The following ERAP2 variants were observed in gnomAD, a reference collection of about 807,000 sequenced individuals.
The protein encoded by ERAP2 is leukocyte-derived arginine aminopeptidase.
Under a neutral mutation model 111.1 loss-of-function variants are expected in ERAP2, and 118 were observed. The observed-to-expected ratio is 1.06, with a 90% confidence interval of 0.92 to 1.24. The LOEUF (loss-of-function observed/expected upper bound fraction) is 1.24, where lower values mean the gene tolerates loss of function less well. ERAP2 is among the 50% of genes most tolerant of loss of function. The pLI is 0.00. For synonymous variants in ERAP2, 410 were observed against 401.2 expected (o/e 1.02, Z -0.26); for missense variants, 1,131 against 1,125.8 (o/e 1.00, Z -0.07).
chr5:96,886,316 A>C (rs13167902), intron 3 of ERAP2, among the ~76,000 whole-genome samples: 83,523 of 152,130 alleles, frequency 0.55, 22,966 homozygotes, highest in Admixed American at 0.6. Context: ...ACTTAAAAGC[A>C]CAGAAGTTGA....
chr5:96,881,436 T>C (rs191665875), intron 2 of ERAP2: 1 of 456,230 alleles, frequency 2.2e-6, no homozygotes, highest in African/African-American at 2.0e-5. Context: ...GGATGCTTCA[T>C]AGAGTGGACG....
chr5:96,903,738 G>A lies in ERAP2; in HGVS notation c.2012+178G>A, dbSNP rs539176647. On this transcript the variant is annotated intron_variant, in intron 13 of 18. Coordinates refer to ENST00000437043, the MANE Select transcript of ERAP2 (RefSeq NM_022350.5). ...AATAACGTATTTTGACCCACACAGTGTTTATAATTGTAATCCAATATTTTA... is the reference window on the plus strand; with the variant it reads ...AATAACGTATTTTGACCCACACAGTATTTATAATTGTAATCCAATATTTTA... Among the ~76,000 whole-genome samples the A allele has an allele frequency of 1.1e-4, 17 of 151,646 alleles. No individual in the cohort carries two copies. In the South Asian group the frequency reaches 3.4e-3, roughly 31 times the overall value.
chr5:96,911,878 A>AAAAG (rs1161447853), intron 15 of ERAP2, among the ~76,000 whole-genome samples: 3 of 130,342 alleles, frequency 2.3e-5, no homozygotes, highest in Non-Finnish European at 4.8e-5. Context: ...AAAAAAAAAA[A>AAAAG]AAAGAAAGAA....
chr5:96,891,457 A>C (rs1784352962), intron 5 of ERAP2, among the ~76,000 whole-genome samples: 1 of 148,970 alleles, frequency 6.7e-6, no homozygotes, highest in South Asian at 2.1e-4. Context: ...ATATACACAC[A>C]CACACATATA....
intron 4 of ERAP2, among the ~76,000 whole-genome samples, chr5:96,888,470 G>A (rs1037579836): frequency 2.6e-5 from 4 of 152,130 alleles, no homozygotes; most frequent in African/African-American, 9.7e-5. Flanking sequence ...CATAGAGTGG[G>A]CACAAGTATT....
At chr5:96,899,846 C>T (rs1233956214) in intron 9 of ERAP2, among the ~76,000 whole-genome samples, 8 of 152,148 alleles carry the variant, frequency 5.3e-5, no homozygotes, top group Non-Finnish European at 5.9e-5. Flanking sequence ...GAAAATTCAA[C>T]AAATTGATTC....
chr5:96,880,139 G>A lies in ERAP2; in HGVS notation c.454G>A (p.Val152Ile), dbSNP rs867448001. Residue 152 changes from valine (V) to isoleucine (I), a missense_variant, in exon 2 of 19, where the codon GTT becomes ATT. Val to Ile is a conservative substitution (Grantham distance 29). Around this residue, in one of 3 missense-constraint regions of ERAP2, gnomAD observed 847 missense variants for 856.5 expected, o/e 0.99. Coordinates refer to ENST00000437043, the MANE Select transcript of ERAP2 (RefSeq NM_022350.5). ...TGCTCATGAACAAATTGCACTGCTG[G>A]TTCCAGAGAAACTTACGCCTCACCT... ...YPAHEQIALL[V>I]PEKLTPHLKY... 6.2e-7 allele frequency: 1 copy of A among 1,614,102 alleles called. No homozygotes were observed. Among genetic ancestry groups the A allele is most frequent in the Admixed American group, 1.7e-5 (1 of 59,988 alleles).
At chr5:96,886,915 A>C (rs1171326679) in intron 4 of ERAP2, 126 bp downstream of exon 4, 4 of 923,288 alleles carry the variant, frequency 4.3e-6, no homozygotes, top group Non-Finnish European at 4.3e-6. Context: ...AGATAGATAA[A>C]AAACTAAGTT....
chr5:96,906,943 G>T (rs371512999), intron 13 of ERAP2, among the ~76,000 whole-genome samples: 1 of 152,128 alleles, frequency 6.6e-6, no homozygotes, highest in Non-Finnish European at 1.5e-5. Context: ...CAGGAGAATC[G>T]CTTGAACCCG....
rs1785298337 is a variant in ERAP2, at chr5:96,900,196, A to C, written c.1572+7A>C. ...CAAGATGACAAGTAACATGGTAAGG[A>C]TAAAGAGAGTCACAGAGTAGAAGAG... On this transcript the variant is annotated splice_region_variant and intron_variant, in intron 10 of 18. Coordinates refer to ENST00000437043, the MANE Select transcript of ERAP2 (RefSeq NM_022350.5). 6.2e-6 allele frequency: 10 copies of C among 1,613,446 alleles called. No homozygotes were observed. The highest frequency in any genetic ancestry group is 1.3e-5 in the African/African-American group (1 of 74,898).
At chr5:96,885,280 G>C (rs1313095052) in intron 3 of ERAP2, among the ~76,000 whole-genome samples, 1 of 152,110 alleles carries the variant, frequency 6.6e-6, no homozygotes, top group Non-Finnish European at 1.5e-5. Flanking sequence ...TAATACCCCA[G>C]CTCTCAGCCC....
intron 9 of ERAP2, among the ~76,000 whole-genome samples, chr5:96,898,572 C>CAAAAAAAAAAAAAA (rs770783071): frequency 2.1e-5 from 2 of 94,442 alleles, no homozygotes; most frequent in African/African-American, 8.5e-5. Flanking sequence ...TACTAAAATA[C>CAAAAAAAAAAAAAA]AAAAAAAAAA....
chr5:96,877,628 TA>T (rs1782683776), intron 1 of ERAP2, among the ~76,000 whole-genome samples: 1 of 152,230 alleles, frequency 6.6e-6, no homozygotes, highest in South Asian at 2.1e-4. Context: ...GCTCAAAAAG[TA>T]AAAAACTTTG....
chr5:96,884,049 T>C, intron 3 of ERAP2, 119 bp downstream of exon 3: 1 of 546,314 alleles, frequency 1.8e-6, no homozygotes, highest in Non-Finnish European at 3.2e-6. Context: ...TATCTATCTA[T>C]CTATCTATCT....
chr5:96,905,944 ATTTTTTT>A (rs34095051), intron 13 of ERAP2, among the ~76,000 whole-genome samples: 1 of 139,602 alleles, frequency 7.2e-6, no homozygotes, highest in Non-Finnish European at 1.5e-5. Flanking sequence ...TTTCTTTTTA[ATTTTTTT>A]TTTTTTTTGT....
chr5:96,881,833 A>T (rs866005719), intron 2 of ERAP2, among the ~76,000 whole-genome samples: 3 of 152,204 alleles, frequency 2.0e-5, no homozygotes, highest in African/African-American at 7.2e-5. Flanking sequence ...CTTTACAAAG[A>T]TTTCCCACCC....
At position 96,886,717 on chromosome 5, in the gene ERAP2, G is replaced by T. The variant is rs1371586290; in HGVS notation, c.777G>T (p.Met259Ile). 1.3e-6 allele frequency: 2 copies of T among 1,554,104 alleles called. No individual in the cohort carries two copies. The highest frequency in any genetic ancestry group is 1.7e-5 in the Admixed American group (1 of 58,492). The change falls in exon 4 of 19, where the codon ATG becomes ATT. Residue 259 changes from methionine to isoleucine, a missense_variant. This residue lies in a region of ERAP2 where 847 missense variants were observed against 856.5 expected (regional missense o/e 0.99). Transcript: ENST00000437043. ...ATCACTTTGAAACTACTGTAAAAAT[G>T]AGTACATACCTTGTAGCCTACATAG... The part of the protein sequence containing the change: ...LEDHFETTVK[M>I]STYLVAYIVC...
Position 96,907,966 on chromosome 5 carries a change from G to A in ERAP2, c.2013-995G>A, listed in dbSNP as rs1404705776. 3.3e-5 allele frequency among the ~76,000 whole-genome samples: 5 copies of A among 151,828 alleles called. No homozygotes were observed. The East Asian group carries it at 9.6e-4, about 29-fold the overall frequency. On this transcript the variant is annotated intron_variant, in intron 13 of 18. Coordinates refer to ENST00000437043, the MANE Select transcript of ERAP2 (RefSeq NM_022350.5). ...CCTTCCGTCTTCAGGTGAAATTTTT[G>A]AAAAAAATTTCCATAAGTCTGTTTT...
In ERAP2 at chr5:96,909,700, G is replaced by T; in HGVS notation, c.2290G>T (p.Ala764Ser). The T allele has an allele frequency of 1.2e-6, 2 of 1,614,210 alleles. No individual in the cohort carries two copies. The highest frequency in any genetic ancestry group is 1.7e-6 in the Non-Finnish European group (2 of 1,180,032). The change falls in exon 15 of 19, where the codon GCT becomes TCT. Residue 764 changes from alanine (A) to serine (S), a missense_variant. Ala to Ser is a moderately conservative substitution (Grantham distance 99). Coordinates refer to ENST00000437043, the MANE Select transcript of ERAP2 (RefSeq NM_022350.5). The part of the protein sequence containing the change: ...LLKLACDLNH[A>S]PCIQKAAELF... ...GAAGCTGGCCTGTGACCTGAACCAT[G>T]CTCCTTGCATCCAGAAAGCTGCTGA... is the stretch of plus-strand genomic sequence containing the variant.
Sources: allele counts gnomAD v4.1 joint callset (sites outside exome capture counted in the v4.1 genomes callset), GRCh38; gene constraint gnomAD v4.1.1; regional missense constraint gnomAD v4.1.1; transcripts MANE v1.5; gene names NCBI Gene and HGNC (gene_info 2026-07-23, HGNC 2026-07-21).